The following IMMP2L variants were observed in gnomAD, a reference collection of about 807,000 sequenced individuals.
The protein encoded by IMMP2L is inner mitochondrial membrane peptidase subunit 2.
Under a neutral mutation model 19.3 loss-of-function variants are expected in IMMP2L, and 18 were observed. That is an observed-to-expected ratio of 0.93 (90% confidence interval 0.64 to 1.38). The LOEUF (loss-of-function observed/expected upper bound fraction) is 1.38. IMMP2L is among the 40% of genes most tolerant of loss of function. The probability of loss-of-function intolerance (pLI) is 0.00; values close to 1 mark genes in which losing one functional copy is unlikely to be tolerated. For missense variants in IMMP2L, 233 were observed against 218.2 expected, an observed-to-expected ratio of 1.07 and a Z score of -0.43; for synonymous variants, 76 against 73.0, an observed-to-expected ratio of 1.04 and a Z score of -0.21.
intron 3 of IMMP2L, among the ~76,000 whole-genome samples, chr7:111,337,889 C>T (rs926635842): frequency 1.3e-4 from 20 of 152,106 alleles, no homozygotes; most frequent in Non-Finnish European, 2.9e-5. Context: ...AACAAACATT[C>T]ACTAAAAATC....
At chr7:111,363,095 T>C (rs377598478) in intron 3 of IMMP2L, among the ~76,000 whole-genome samples, 2 of 152,100 alleles carry the variant, frequency 1.3e-5, no homozygotes, top group Admixed American at 6.6e-5. Context: ...GTCTCTTTTT[T>C]TCATACACAC....
chr7:111,477,143 A>G (rs778108585), intron 3 of IMMP2L, among the ~76,000 whole-genome samples: 10 of 152,178 alleles, frequency 6.6e-5, no homozygotes, highest in Admixed American at 1.3e-4. Flanking sequence ...AACTCTAACA[A>G]AATAAATAAC....
chr7:111,402,086 A>G (rs1019917572), intron 3 of IMMP2L, among the ~76,000 whole-genome samples: 45 of 150,318 alleles, frequency 3.0e-4, no homozygotes, highest in African/African-American at 1.0e-3. Context: ...TTGCCACTGC[A>G]CTCCAGGCTG....
At chr7:111,249,102 G>A (rs1354281075) in intron 3 of IMMP2L, among the ~76,000 whole-genome samples, 7 of 64,716 alleles carry the variant, frequency 1.1e-4, no homozygotes, top group African/African-American at 2.2e-4. Context: ...GGGCAATGGC[G>A]GGTGCCCCTC....
chr7:111,474,771 T>C (rs544641910), intron 3 of IMMP2L, among the ~76,000 whole-genome samples: 2 of 152,236 alleles, frequency 1.3e-5, no homozygotes, highest in African/African-American at 4.8e-5. Context: ...ACAGTGTCAT[T>C]GTTACCAAAG....
chr7:111,226,065 T>G (rs998003288), intron 3 of IMMP2L, among the ~76,000 whole-genome samples: 2 of 152,100 alleles, frequency 1.3e-5, no homozygotes, highest in African/African-American at 4.8e-5. Flanking sequence ...ACTAAAGCTA[T>G]CCTTGAAAAG....
intron 5 of IMMP2L, among the ~76,000 whole-genome samples, chr7:110,789,361 A>G (rs79936819): frequency 0.024 from 3,610 of 151,868 alleles, 65 homozygotes; most frequent in Middle Eastern, 0.044. Flanking sequence ...GCTCAGAACA[A>G]CTTGTACTCA....
chr7:111,044,304 A>G (rs1042960572), intron 3 of IMMP2L, among the ~76,000 whole-genome samples: 1 of 152,224 alleles, frequency 6.6e-6, no homozygotes, highest in African/African-American at 2.4e-5. Context: ...TCATGCCTGT[A>G]ATCCCAGAGC....
intron 3 of IMMP2L, among the ~76,000 whole-genome samples, chr7:111,243,051 A>G (rs1815321945): frequency 6.6e-6 from 1 of 152,040 alleles, no homozygotes; most frequent in African/African-American, 2.4e-5. Flanking sequence ...TGTGAACCAC[A>G]TGTCTGAAGG....
At position 111,418,661 on chromosome 7, in the gene IMMP2L, A is replaced by C. The variant is rs760251649; in HGVS notation, c.239+68577T>G. Among the ~76,000 whole-genome samples the C allele has an allele frequency of 6.5e-4, 99 of 152,000 alleles. 2 individuals are homozygous for C. Among genetic ancestry groups the C allele is most frequent in the Admixed American group, 4.8e-3 (73 of 15,292 alleles). ...ACAGTCATGGTTATTTAAACCACTAAGGCTTTTCTTTGAGTAAACAATATA... is the reference window on the plus strand; with the variant it reads ...ACAGTCATGGTTATTTAAACCACTACGGCTTTTCTTTGAGTAAACAATATA... On this transcript the variant is annotated intron_variant, in intron 3 of 5. Coordinates refer to ENST00000405709, the MANE Select transcript of IMMP2L (RefSeq NM_032549.4).
At chr7:111,283,142 A>C (rs1255694667) in intron 3 of IMMP2L, among the ~76,000 whole-genome samples, 1 of 152,202 alleles carries the variant, frequency 6.6e-6, no homozygotes. Flanking sequence ...ATAGAATAAA[A>C]TTAGACATCA....
intron 3 of IMMP2L, among the ~76,000 whole-genome samples, chr7:111,085,753 A>G (rs1796262536): frequency 6.6e-6 from 1 of 152,220 alleles, no homozygotes; most frequent in Admixed American, 6.5e-5. Context: ...CATCAGTGAT[A>G]GACTGGATAA....
intron 3 of IMMP2L, among the ~76,000 whole-genome samples, chr7:111,171,275 T>A (rs1443452870): frequency 1.3e-5 from 2 of 151,676 alleles, no homozygotes; most frequent in African/African-American, 4.8e-5. Context: ...TTTTAAATTA[T>A]CATGAATTAA....
At chr7:111,321,027 A>C (rs1824644436) in intron 3 of IMMP2L, among the ~76,000 whole-genome samples, 1 of 152,070 alleles carries the variant, frequency 6.6e-6, no homozygotes, top group South Asian at 2.1e-4. Context: ...TGTTTTCTTC[A>C]AGAAAATATG....
chr7:111,229,175 C>T (rs996018504), intron 3 of IMMP2L, among the ~76,000 whole-genome samples: 4 of 151,920 alleles, frequency 2.6e-5, no homozygotes, highest in African/African-American at 9.7e-5. Context: ...ACACTGATGA[C>T]AGATATAATC....
chr7:111,287,117 A>G (rs541784170), intron 3 of IMMP2L, among the ~76,000 whole-genome samples: 2 of 152,268 alleles, frequency 1.3e-5, no homozygotes, highest in African/African-American at 2.4e-5. Flanking sequence ...CTTACAGCCA[A>G]TAATTAGATA....
At chr7:110,885,176 A>ATTTT (rs532007143) in intron 5 of IMMP2L, among the ~76,000 whole-genome samples, 1 of 150,214 alleles carries the variant, frequency 6.7e-6, no homozygotes, top group African/African-American at 2.4e-5. Context: ...CAAATTTTGG[A>ATTTT]TTTTTTTTTT....
At chr7:111,417,162 T>C (rs1461811959) in intron 3 of IMMP2L, among the ~76,000 whole-genome samples, 1 of 151,802 alleles carries the variant, frequency 6.6e-6, no homozygotes, top group African/African-American at 2.4e-5. Flanking sequence ...TCATAAAGCT[T>C]AAGCTTCAGG....
chr7:110,849,505 G>T (rs1240157535), intron 5 of IMMP2L, among the ~76,000 whole-genome samples: 2 of 152,026 alleles, frequency 1.3e-5, no homozygotes, highest in Non-Finnish European at 2.9e-5. Flanking sequence ...CAAAGTTCAT[G>T]AGAGAAAAAT....
Sources: gnomAD v4.1 joint callset for allele counts (sites outside exome capture counted in the v4.1 genomes callset) on GRCh38, gnomAD v4.1.1 for gene constraint, MANE v1.5 for transcripts, NCBI Gene and HGNC (gene_info 2026-07-23, HGNC 2026-07-21) for gene names.